TTN: variants seen among roughly 807,000 people sequenced by gnomAD.
TTN encodes connectin.
A neutral mutation model predicts 3,223.0 loss-of-function variants in TTN; 1,525 were observed. The observed-to-expected ratio is 0.47, with a 90% CI of 0.45 to 0.49. The LOEUF (loss-of-function observed/expected upper bound fraction) is 0.49. Among genes scored for constraint, TTN ranks in the 20% least tolerant of loss-of-function variants. The pLI, the probability that TTN is intolerant of heterozygous loss-of-function variation, is 0.00. For missense variants in TTN, 40,786 were observed against 43,424.0 expected (o/e 0.94, Z 5.40); for synonymous variants, 14,094 against 15,161.0 (o/e 0.93, Z 5.17).
chr2:178,674,069 G>A (rs1407074342), intron 151 of TTN, among the ~76,000 whole-genome samples: 3 of 151,616 alleles, frequency 2.0e-5, no homozygotes, highest in African/African-American at 7.3e-5. Context: ...GTAGGGCCTG[G>A]TCAGAAAAAA....
At position 178,615,355 on chromosome 2, in the gene TTN, C is replaced by T. The variant is rs369826752; in HGVS notation, c.48590G>A (p.Arg16197His). 6.2e-7 allele frequency: 1 copy of T among 1,612,478 alleles called. No homozygotes were observed. The highest frequency in any genetic ancestry group is 8.5e-7 in the Non-Finnish European group (1 of 1,179,018). ...IKGYIVERCP[R>H]GSDKWVACGE... Reference sequence around the variant, plus strand: ...ACAGGCAACCCATTTATCAGAACCACGTGGACATCTTTCAACTATATATCC... The same window carrying T: ...ACAGGCAACCCATTTATCAGAACCATGTGGACATCTTTCAACTATATATCC... The change falls in exon 259 of 363, where the codon CGT becomes CAT. Residue 16197 changes from arginine to histidine, a missense_variant. Arg to His is a conservative substitution (Grantham distance 29, BLOSUM62 0). Coordinates refer to ENST00000589042, the MANE Select transcript of TTN (RefSeq NM_001267550.2).
chr2:178,549,849 C>T lies in TTN; in HGVS notation c.91873G>A (p.Gly30625Arg). Residue 30625 changes from glycine (G) to arginine (R), a missense_variant, in exon 338 of 363, where the codon GGG becomes AGG. Transcript: ENST00000589042. Reference sequence around the variant, plus strand: ...GTAATATTGGTGAATCTTATTGGCCCAACTACTTTTCCTGGTGTATCTATA... The same window carrying T: ...GTAATATTGGTGAATCTTATTGGCCTAACTACTTTTCCTGGTGTATCTATA... Reference protein sequence around the residue: ...KVQDTPGKVVGPIRFTNITGE... With the variant: ...KVQDTPGKVVRPIRFTNITGE... 1 of 1,575,074 alleles carries T rather than the reference C, an allele frequency of 6.3e-7. No homozygotes were observed. Among genetic ancestry groups the T allele is most frequent in the East Asian group, 2.2e-5 (1 of 44,446 alleles).
Position 178,568,255 on chromosome 2 carries a change from T to C in TTN, c.77877A>G (p.Thr25959=). The C allele has an allele frequency of 6.2e-7, 1 of 1,613,562 alleles. No homozygotes were observed. Among genetic ancestry groups the C allele is most frequent in the Non-Finnish European group, 8.5e-7 (1 of 1,179,606 alleles). ...CGGCAAATATTCTAAATTGGTATTC[T>C]GTACCAGTTTTCAGTTTGGTCACTT... The part of the protein sequence containing the change: ...TLKVTKLKTG[T]EYQFRIFAEN... The change falls in exon 326 of 363, where the codon ACA becomes ACG. Residue 25959 remains threonine (T), a synonymous_variant. Coordinates refer to ENST00000589042, the MANE Select transcript of TTN (RefSeq NM_001267550.2).
rs781356569 is a variant in TTN at position 178,718,064 on chromosome 2, G to T, written c.24942C>A (p.Phe8314Leu). 7 of 1,613,674 alleles carry T rather than the reference G, an allele frequency of 4.3e-6. No homozygotes were observed. The South Asian group carries it at 6.6e-5, about 15-fold the overall frequency. ...TTACTAAGGAAGCAACGTTATTTTTGAATTGCATTTTATATGCAGGAGCTG... is the reference window on the plus strand; with the variant it reads ...TTACTAAGGAAGCAACGTTATTTTTTAATTGCATTTTATATGCAGGAGCTG... ...LRSAPAYKMQFKNNVASLVIN... is the reference protein window; with the variant it reads ...LRSAPAYKMQLKNNVASLVIN... Residue 8314 changes from phenylalanine (F) to leucine (L), a missense_variant, in exon 86 of 363, where the codon TTC becomes TTA. By Grantham distance (22) the Phe-to-Leu change is conservative. Transcript: ENST00000589042.
In TTN at chr2:178,657,507, G is replaced by A; in HGVS notation, c.38029C>T (p.Pro12677Ser). The A allele has an allele frequency of 1.3e-6, 2 of 1,578,092 alleles. No individual in the cohort carries two copies. Among genetic ancestry groups the A allele is most frequent in the Non-Finnish European group, 1.7e-6 (2 of 1,166,602 alleles). Residue 12677 changes from proline (P) to serine (S), a missense_variant, in exon 189 of 363, where the codon CCT (proline) becomes TCT (serine). Coordinates refer to ENST00000589042, the MANE Select transcript of TTN (RefSeq NM_001267550.2). Reference sequence around the variant, plus strand: ...AATCAGTGACAAATACCTTTAACAGGTGGGACTTCAGGCTTTTTAGGAGGA... The same window carrying A: ...AATCAGTGACAAATACCTTTAACAGATGGGACTTCAGGCTTTTTAGGAGGA... Reference protein sequence around the residue: ...STPPKKPEVPPVKVPEAPKEV... With the variant: ...STPPKKPEVPSVKVPEAPKEV...
rs763365622 is a variant in TTN, at chr2:178,543,368, A to G, written c.96605T>C (p.Val32202Ala). 3.1e-6 allele frequency: 5 copies of G among 1,613,738 alleles called. No homozygotes were observed. In the African/African-American group the frequency reaches 6.7e-5, roughly 22 times the overall value. Residue 32202 changes from valine (V) to alanine (A), a missense_variant, in exon 347 of 363, where the codon GTG becomes GCG. Transcript: ENST00000589042. ...TTCTAGCTTTGCAGGCACCAAAGGC[A>G]CTTCTGAGACCAGTACTGCATCAGA... The part of the protein sequence containing the change: ...ETSDAVLVSE[V>A]PLVPAKLEVV...
chr2:178,724,573 T>G, intron 71 of TTN, 35 bp from the exon 72 acceptor site: 2 of 1,539,216 alleles, frequency 1.3e-6, no homozygotes, highest in Non-Finnish European at 1.8e-6. Context: ...TGTCAAAGTC[T>G]GGGATCTTTA....
rs2050126636 is a variant in TTN, at chr2:178,591,223, C to G, written c.60502G>C (p.Val20168Leu). The change falls in exon 304 of 363, where the codon GTT (valine) becomes CTT (leucine). Residue 20168 changes from valine to leucine, a missense_variant. By Grantham distance (32) the Val-to-Leu change is conservative. Coordinates refer to ENST00000589042, the MANE Select transcript of TTN (RefSeq NM_001267550.2). ...GSKTVAVHLT[V>L]LDVPGPPTGP... ...GTTGGTGGCCCAGGAACATCAAGAA[C>G]AGTAAGATGTACGGCTACTGTTTTG... The G allele has an allele frequency of 1.2e-6, 2 of 1,613,272 alleles. No individual in the cohort carries two copies. Among genetic ancestry groups the G allele is most frequent in the African/African-American group, 1.3e-5 (1 of 74,868 alleles).
chr2:178,601,807 G>C lies in TTN; in HGVS notation c.55303-20C>G. On this transcript the variant is annotated intron_variant, in intron 285 of 362. Transcript: ENST00000589042. ...CTCCAGCTGTACAAAGAAAATAGTA[G>C]TCATACATTGAATGAAATCATAGCA... The C allele has an allele frequency of 6.2e-7, 1 of 1,603,100 alleles. No homozygotes were observed. Among genetic ancestry groups the C allele is most frequent in the African/African-American group, 1.3e-5 (1 of 74,332 alleles).
At chr2:178,711,651 T>C (rs1397699844) in intron 96 of TTN, among the ~76,000 whole-genome samples, 1 of 152,182 alleles carries the variant, frequency 6.6e-6, no homozygotes, top group Admixed American at 6.5e-5. Flanking sequence ...GACTGCCTTC[T>C]AGCAATTTGC....
At chr2:178,752,107 T>A (rs2085717960) in intron 47 of TTN, 1 of 1,410,896 alleles carries the variant, frequency 7.1e-7, no homozygotes, top group Non-Finnish European at 9.8e-7. Flanking sequence ...TAAATAAAAT[T>A]GCAAAATAGG....
Position 178,718,506 on chromosome 2 carries a change from G to C in TTN, c.24600C>G (p.Ile8200Met), listed in dbSNP as rs2077838172. The change falls in exon 85 of 363, where the codon ATC becomes ATG. Residue 8200 changes from isoleucine to methionine, a missense_variant. Ile to Met is a conservative substitution (Grantham distance 10). Coordinates refer to ENST00000589042, the MANE Select transcript of TTN (RefSeq NM_001267550.2). ...LEATYTGTPP[I>M]SVSWIKDEYL... ...ACTCGTCCTTTATCCAGCTCACTGA[G>C]ATTGGAGGTGTGCCAGTGTATGTGG... 3 of 1,613,596 alleles carry C rather than the reference G, an allele frequency of 1.9e-6. No homozygotes were observed. Among genetic ancestry groups the C allele is most frequent in the Non-Finnish European group, 2.5e-6 (3 of 1,179,748 alleles).
In TTN at chr2:178,665,392, T is replaced by C. The variant is rs1335965945; in HGVS notation, c.36028A>G (p.Thr12010Ala). 6.2e-7 allele frequency: 1 copy of C among 1,612,248 alleles called. No homozygotes were observed. The highest frequency in any genetic ancestry group is 2.2e-5 in the East Asian group (1 of 44,856). ...GGTAACGTACTTTTCATACGTGGAG[T>C]TTCTGGCTCTTCAGGTACATCCTCA... The part of the protein sequence containing the change: ...IFEDVPEEPE[T>A]PRMKTPEAPQ... The change falls in exon 165 of 363, where the codon ACT (threonine) becomes GCT (alanine). Residue 12010 changes from threonine to alanine, a missense_variant. By Grantham distance (58) the Thr-to-Ala change is moderately conservative. Coordinates refer to ENST00000589042, the MANE Select transcript of TTN (RefSeq NM_001267550.2).
chr2:178,743,253 G>C (rs1160370892), intron 47 of TTN, among the ~76,000 whole-genome samples: 1 of 151,978 alleles, frequency 6.6e-6, no homozygotes, highest in Non-Finnish European at 1.5e-5. Context: ...GAAAGGCATA[G>C]TTTAAAAAAT....
In TTN at chr2:178,739,343, T is replaced by G. The variant is rs759230230; in HGVS notation, c.13890A>C (p.Thr4630=). Residue 4630 remains threonine, a synonymous_variant, in exon 48 of 363, where the codon ACA becomes ACC. Transcript: ENST00000589042. ...GDIVHLTTSI[T]NAKEVNWYFE... is the part of the protein sequence containing the mutation. The stretch of plus-strand genomic sequence containing the variant: ...AATACCAATTCACCTCTTTAGCATT[T>G]GTTATGGATGTTGTGAGGTGTACAA... 6.2e-7 allele frequency: 1 copy of G among 1,613,754 alleles called. No homozygotes were observed. The highest frequency in any genetic ancestry group is 8.5e-7 in the Non-Finnish European group (1 of 1,179,838).
chr2:178,735,914 G>A lies in TTN; in HGVS notation c.14532C>T (p.Ser4844=), dbSNP rs977012928. 9.9e-6 allele frequency: 16 copies of A among 1,613,840 alleles called. No individual in the cohort carries two copies. Among genetic ancestry groups the A allele is most frequent in the Non-Finnish European group, 1.1e-5 (13 of 1,179,816 alleles). ...ALSPSPNWRI[S]DAENKHILEL... is the part of the protein sequence containing the mutation. ...CTAAAATGTGTTTGTTTTCTGCGTCGGAAATCCTCCAGTTAGGTGAAGGTG... is the reference window on the plus strand; with the variant it reads ...CTAAAATGTGTTTGTTTTCTGCGTCAGAAATCCTCCAGTTAGGTGAAGGTG... The change falls in exon 50 of 363, where the codon TCC becomes TCT. Residue 4844 remains serine (S), a synonymous_variant. Coordinates refer to ENST00000589042, the MANE Select transcript of TTN (RefSeq NM_001267550.2).
chr2:178,549,904 T>C (rs766020748), intron 337 of TTN, 35 bp from the exon 338 acceptor site: 2 of 1,539,054 alleles, frequency 1.3e-6, no homozygotes, highest in South Asian at 1.3e-5. Context: ...AGTTTCTTTT[T>C]CCTTGTCCAT....
rs886042193 is a variant in TTN at position 178,794,935 on chromosome 2, G to C, written c.1232C>G (p.Thr411Ser). ...SASYAAEAVA[T>S]GAKEVKQDAD... Reference sequence around the variant, plus strand: ...TTCTGACAGTACCTCTTTAGCACCAGTGGCAACAGCCTCTGCTGCGTAGCT... The same window carrying C: ...TTCTGACAGTACCTCTTTAGCACCACTGGCAACAGCCTCTGCTGCGTAGCT... The change falls in exon 7 of 363, where the codon ACT becomes AGT. Residue 411 changes from threonine to serine, a missense_variant. Transcript: ENST00000589042. 9 of 1,602,276 alleles carry C rather than the reference G, an allele frequency of 5.6e-6. No homozygotes were observed. The highest frequency in any genetic ancestry group is 7.6e-6 in the Non-Finnish European group (9 of 1,179,944).
rs760806455 is a variant in TTN at position 178,678,430 on chromosome 2, C to T, written c.33894G>A (p.Glu11298=). 1.3e-6 allele frequency: 2 copies of T among 1,590,062 alleles called. No homozygotes were observed. The highest frequency in any genetic ancestry group is 1.7e-6 in the Non-Finnish European group (2 of 1,168,370). Residue 11298 remains glutamate, a synonymous_variant, in exon 144 of 363, where the codon GAG becomes GAA. Transcript: ENST00000589042. Reference sequence around the variant, plus strand: ...ATTATGTACCTTTTGCAGGTGGAGCCTCCACTTTCTTAGGAGCAGGAACTG... The same window carrying T: ...ATTATGTACCTTTTGCAGGTGGAGCTTCCACTTTCTTAGGAGCAGGAACTG... ...KVPVPAPKKV[E]APPAKVPEVP... is the part of the protein sequence containing the mutation.
Sources: gnomAD v4.1 joint callset for allele counts (sites outside exome capture counted in the v4.1 genomes callset) on GRCh38, gnomAD v4.1.1 for gene constraint, MANE v1.5 for transcripts, NCBI Gene and HGNC (gene_info 2026-07-23, HGNC 2026-07-21) for gene names.